RIMBP2: variants seen among roughly 807,000 people sequenced by gnomAD.
RIMBP2 encodes RIMS binding protein 2, also known as RIMS-binding protein 2.
RIMBP2 carries 48 observed loss-of-function variants against 118.6 expected under a neutral mutation model. That is an observed-to-expected ratio of 0.40 (90% CI 0.32 to 0.51). RIMBP2 has a LOEUF of 0.51. Ranked by LOEUF, RIMBP2 falls within the 20% of genes least tolerant of loss-of-function variation. RIMBP2 has a pLI of 0.41. For missense variants in RIMBP2, 1,551 were observed against 1,768.3 expected (o/e 0.88, Z 2.20); for synonymous variants, 762 against 742.9 (o/e 1.03, Z -0.42).
intron 7 of RIMBP2, among the ~76,000 whole-genome samples, chr12:130,455,415 G>A (rs2137477970): frequency 6.6e-6 from 1 of 152,364 alleles, no homozygotes; most frequent in East Asian, 1.9e-4. Flanking sequence ...CTGTCTCTCA[G>A]CGTTGCAACC....
chr12:130,480,371 C>T (rs571195068), intron 4 of RIMBP2, among the ~76,000 whole-genome samples: 31 of 152,248 alleles, frequency 2.0e-4, no homozygotes, highest in Admixed American at 3.9e-4. Context: ...CTGCCCCTTC[C>T]GATGGCATAT....
intron 2 of RIMBP2, among the ~76,000 whole-genome samples, chr12:130,535,690 T>G (rs1208495022): frequency 6.9e-6 from 1 of 144,904 alleles, no homozygotes; most frequent in African/African-American, 2.6e-5. Flanking sequence ...TATATACACA[T>G]ATACATATAT....
At chr12:130,677,567 G>A (rs1449023304) in intron 1 of RIMBP2, among the ~76,000 whole-genome samples, 1 of 152,192 alleles carries the variant, frequency 6.6e-6, no homozygotes, top group Non-Finnish European at 1.5e-5. Context: ...GGCAGAGGCT[G>A]CAGTGAGCCA....
rs74556065 is a variant in RIMBP2 at position 130,532,104 on chromosome 12, C to T, written c.-216-14187G>A. ...GCGTATGTTTAGCCTCTAGGAGGGA[C>T]GTCTAATGAGATGCGTGTGTGTAGC... On this transcript the variant is annotated intron_variant, in intron 2 of 22. Coordinates refer to ENST00000690449, the MANE Select transcript of RIMBP2 (RefSeq NM_001393629.1). Among the ~76,000 whole-genome samples, 1,275 of 128,178 alleles carry T rather than the reference C, an allele frequency of 9.9e-3. 21 individuals are homozygous for T. The highest frequency in any genetic ancestry group is 0.039 in the East Asian group (120 of 3,056). The allele number at this position is 128,178 out of a possible 152,430, so 84.1% of individuals were successfully genotyped here.
Position 130,450,360 on chromosome 12 carries a change from C to A in RIMBP2, c.505-84G>T. On this transcript the variant is annotated intron_variant, in intron 8 of 22. Transcript: ENST00000690449. The surrounding 1 kb of genome is among the most constrained non-coding windows in gnomAD (Gnocchi z 4.8). ...CCGCGGCACACGGGAAAGCCCCTCG[C>A]AGCTTCCTGGGCCCCAGGAGGGACG... 9.6e-7 allele frequency: 1 copy of A among 1,045,642 alleles called. No individual in the cohort carries two copies. Among genetic ancestry groups the A allele is most frequent in the Admixed American group, 2.0e-5 (1 of 50,556 alleles). 64.8% of individuals were successfully genotyped at this position (1,045,642 alleles called of 1,614,324 possible).
Position 130,475,602 on chromosome 12 carries a change from A to C in RIMBP2, c.102+3310T>G, listed in dbSNP as rs2081361120. The stretch of plus-strand genomic sequence containing the variant: ...AGGACCTGGACTGAAGGAAGAGGCC[A>C]GGGGCTCCAGGCGGGCGTCTCCAAG... On this transcript the variant is annotated intron_variant, in intron 5 of 22. Coordinates refer to ENST00000690449, the MANE Select transcript of RIMBP2 (RefSeq NM_001393629.1). The surrounding 1 kb of genome is among the most constrained non-coding windows in gnomAD (Gnocchi z 4.1). Among the ~76,000 whole-genome samples, 2 of 152,106 alleles carry C rather than the reference A, an allele frequency of 1.3e-5. No individual in the cohort carries two copies. Among genetic ancestry groups the C allele is most frequent in the African/African-American group, 4.8e-5 (2 of 41,418 alleles).
intron 7 of RIMBP2, among the ~76,000 whole-genome samples, chr12:130,454,460 G>A (rs752169342): frequency 1.3e-5 from 2 of 152,228 alleles, no homozygotes; most frequent in African/African-American, 2.4e-5. Context: ...AGGCACTGGT[G>A]TCCACCGCCG....
intron 2 of RIMBP2, among the ~76,000 whole-genome samples, chr12:130,566,718 G>A (rs377519943): frequency 1.0e-3 from 156 of 152,366 alleles, no homozygotes; most frequent in African/African-American, 3.7e-3. Context: ...AGCCAGACCA[G>A]GCAGCCAGGC....
At chr12:130,402,158 C>A (rs1382717140) in intron 21 of RIMBP2, among the ~76,000 whole-genome samples, 1 of 152,224 alleles carries the variant, frequency 6.6e-6, no homozygotes, top group Admixed American at 6.5e-5. Flanking sequence ...GCTACTGCGT[C>A]CAAAGTGACG....
chr12:130,540,820 T>C (rs971978185), intron 2 of RIMBP2, among the ~76,000 whole-genome samples: 1 of 152,176 alleles, frequency 6.6e-6, no homozygotes, highest in African/African-American at 2.4e-5. Flanking sequence ...GCTTTCTGCG[T>C]GGTGAGCAGT....
At chr12:130,540,255 G>A (rs996171069) in intron 2 of RIMBP2, among the ~76,000 whole-genome samples, 1 of 152,182 alleles carries the variant, frequency 6.6e-6, no homozygotes, top group East Asian at 1.9e-4. Context: ...TAGGAAGATG[G>A]GTTGCCAGTG....
At chr12:130,590,798 G>A (rs968978893) in intron 2 of RIMBP2, among the ~76,000 whole-genome samples, 4 of 152,122 alleles carry the variant, frequency 2.6e-5, no homozygotes, top group Admixed American at 6.5e-5. Flanking sequence ...GCCCAGGATG[G>A]CAAGGACTCC....
At chr12:130,549,275 C>T (rs1232472807) in intron 2 of RIMBP2, among the ~76,000 whole-genome samples, 3 of 152,120 alleles carry the variant, frequency 2.0e-5, no homozygotes, top group East Asian at 3.9e-4. Flanking sequence ...ATGCCCATCC[C>T]GGGGGAATGA....
intron 13 of RIMBP2, among the ~76,000 whole-genome samples, 189 bp downstream of exon 13, chr12:130,436,650 TAAA>T (rs1293402818): frequency 6.6e-6 from 1 of 152,118 alleles, no homozygotes. Context: ...TATTAGCAAA[TAAA>T]AAACACCATT....
chr12:130,471,445 T>C (rs1019883188), intron 5 of RIMBP2, among the ~76,000 whole-genome samples: 1 of 152,192 alleles, frequency 6.6e-6, no homozygotes, highest in Non-Finnish European at 1.5e-5. Context: ...GGTAAGGACC[T>C]GTCGTGTTTC....
Position 130,442,580 on chromosome 12 carries a change from T to C in RIMBP2, c.772A>G (p.Ser258Gly), listed in dbSNP as rs756725169. 6.2e-7 allele frequency: 1 copy of C among 1,614,206 alleles called. No homozygotes were observed. Among genetic ancestry groups the C allele is most frequent in the Non-Finnish European group, 8.5e-7 (1 of 1,180,028 alleles). Reference protein sequence around the residue: ...FVQDNESRLASTLGNEQDQNF... With the variant: ...FVQDNESRLAGTLGNEQDQNF... The stretch of plus-strand genomic sequence containing the variant: ...TGATCCTGCTCGTTCCCCAGCGTGC[T>C]TGCCAACCGCGACTCGTTGTCCTGC... The change falls in exon 11 of 23, where the codon AGC becomes GGC. Residue 258 changes from serine to glycine, a missense_variant. By Grantham distance (56) the Ser-to-Gly change is moderately conservative. This residue lies in a region of RIMBP2 where 265 missense variants were observed against 349.5 expected (regional missense o/e 0.76). Transcript: ENST00000690449. The surrounding 1 kb of genome is among the most constrained non-coding windows in gnomAD (Gnocchi z 6.9).
chr12:130,403,125 C>T (rs1011326683), intron 21 of RIMBP2, among the ~76,000 whole-genome samples: 1 of 152,138 alleles, frequency 6.6e-6, no homozygotes, highest in Non-Finnish European at 1.5e-5. Flanking sequence ...TGAATTCGCT[C>T]TCTCGAGATG....
chr12:130,565,532 A>G (rs925542095), intron 2 of RIMBP2, among the ~76,000 whole-genome samples: 2 of 152,160 alleles, frequency 1.3e-5, no homozygotes, highest in African/African-American at 4.8e-5. Flanking sequence ...AATTAAGTGG[A>G]TACACATGTG....
chr12:130,558,710 C>A (rs1443301988), intron 2 of RIMBP2, among the ~76,000 whole-genome samples: 2 of 152,216 alleles, frequency 1.3e-5, no homozygotes, highest in Non-Finnish European at 2.9e-5. Context: ...CTGGTCCCAG[C>A]AGCGCATCCA....
Sources: gnomAD v4.1 joint callset for allele counts (sites outside exome capture counted in the v4.1 genomes callset) on GRCh38, gnomAD v4.1.1 for gene constraint, gnomAD v4.1.1 regional missense constraint, Gnocchi (gnomAD v3.1) non-coding constraint, MANE v1.5 for transcripts, NCBI Gene and HGNC (gene_info 2026-07-23, HGNC 2026-07-21) for gene names.